TENM4: variants seen among roughly 807,000 people sequenced by gnomAD.
TENM4 encodes teneurin transmembrane protein 4, also known as teneurin-4.
In TENM4, 82 loss-of-function variants were observed where a neutral mutation model predicts 243.3. That is an observed-to-expected ratio of 0.34 (90% confidence interval 0.28 to 0.40). The LOEUF is 0.40. Among genes scored for constraint, TENM4 ranks in the 10% least tolerant of loss-of-function variants. TENM4 has a pLI of 1.00. For synonymous variants in TENM4, 1,412 were observed against 1,456.3 expected (o/e 0.97, Z 0.69); for missense variants, 3,138 against 3,673.3 (o/e 0.85, Z 3.77).
At chr11:79,416,601 ATGCTAAGAGGTT>A (rs1156483621) in intron 1 of TENM4, among the ~76,000 whole-genome samples, 2 of 152,230 alleles carry the variant, frequency 1.3e-5, no homozygotes, top group African/African-American at 4.8e-5. Flanking sequence ...GACAGATATG[ATGCTAAGAGGTT>A]TACATGCACT....
At chr11:78,945,504 T>C (rs2136471352) in intron 6 of TENM4, among the ~76,000 whole-genome samples, 1 of 152,268 alleles carries the variant, frequency 6.6e-6, no homozygotes, top group South Asian at 2.1e-4. Context: ...CATAATGATA[T>C]TGAAATTAGG....
At chr11:78,905,091 C>T (rs974656976) in intron 6 of TENM4, among the ~76,000 whole-genome samples, 24 of 152,278 alleles carry the variant, frequency 1.6e-4, no homozygotes, top group Admixed American at 1.5e-3. Flanking sequence ...GATCACAGGG[C>T]TACTGTGAGA....
intron 7 of TENM4, among the ~76,000 whole-genome samples, chr11:78,896,593 C>T (rs1282240994): frequency 1.3e-5 from 2 of 152,080 alleles, no homozygotes; most frequent in East Asian, 1.9e-4. Flanking sequence ...CCTGTGCTCC[C>T]GCTTGAGCCA....
At chr11:78,961,917 T>C (rs1211573000) in intron 6 of TENM4, among the ~76,000 whole-genome samples, 1 of 152,072 alleles carries the variant, frequency 6.6e-6, no homozygotes, top group African/African-American at 2.4e-5. Context: ...ATGTCTCTCA[T>C]GGGGGTTGGG....
intron 1 of TENM4, among the ~76,000 whole-genome samples, chr11:79,338,065 C>G (rs903417446): frequency 1.3e-5 from 2 of 152,328 alleles, no homozygotes; most frequent in Middle Eastern, 3.4e-3. Flanking sequence ...TGTCTCTTCC[C>G]CTAGAATGTG....
chr11:79,084,871 GA>G (rs1288454545), intron 4 of TENM4, among the ~76,000 whole-genome samples: 3 of 152,156 alleles, frequency 2.0e-5, no homozygotes, highest in Non-Finnish European at 4.4e-5. Context: ...CACTCATTCA[GA>G]TAAATGCAAG....
At chr11:79,250,764 A>G (rs1456171765) in intron 2 of TENM4, among the ~76,000 whole-genome samples, 2 of 152,256 alleles carry the variant, frequency 1.3e-5, no homozygotes, top group Non-Finnish European at 2.9e-5. Flanking sequence ...TGTCCACGGA[A>G]GGCAAATTTA....
chr11:79,312,465 A>G (rs1222009654), intron 1 of TENM4, among the ~76,000 whole-genome samples: 1 of 152,242 alleles, frequency 6.6e-6, no homozygotes, highest in East Asian at 1.9e-4. Flanking sequence ...TAAGGTGCAC[A>G]GCCTCCCTAT....
At chr11:79,017,049 G>A (rs755214473) in intron 6 of TENM4, among the ~76,000 whole-genome samples, 3 of 152,226 alleles carry the variant, frequency 2.0e-5, no homozygotes, top group Non-Finnish European at 4.4e-5. Context: ...CTGGCACAGA[G>A]TCAATTTCCA....
At chr11:79,046,451 C>G (rs972346856) in intron 6 of TENM4, among the ~76,000 whole-genome samples, 4 of 149,234 alleles carry the variant, frequency 2.7e-5, no homozygotes, top group South Asian at 4.2e-4. Flanking sequence ...AACTCTCCCC[C>G]CCAAAAAAAC....
chr11:78,802,859 TA>T (rs1223843465), intron 15 of TENM4, among the ~76,000 whole-genome samples: 1 of 152,226 alleles, frequency 6.6e-6, no homozygotes, highest in Non-Finnish European at 1.5e-5. Flanking sequence ...TAGTCATTTA[TA>T]GGATAGAGAT....
intron 18 of TENM4, among the ~76,000 whole-genome samples, chr11:78,767,182 G>T (rs1217575087): frequency 6.6e-6 from 1 of 152,130 alleles, no homozygotes; most frequent in African/African-American, 2.4e-5. Context: ...CTCTAATGTC[G>T]CCAAGACCTC....
intron 2 of TENM4, among the ~76,000 whole-genome samples, chr11:79,272,453 G>A (rs952666972): frequency 2.6e-5 from 4 of 152,198 alleles, no homozygotes; most frequent in South Asian, 2.1e-4. Flanking sequence ...TATAGAAAAA[G>A]CACTCATGGG....
At chr11:78,882,927 C>T (rs1855462933) in intron 9 of TENM4, among the ~76,000 whole-genome samples, 1 of 152,146 alleles carries the variant, frequency 6.6e-6, no homozygotes, top group Admixed American at 6.5e-5. Context: ...GCAGATGCAA[C>T]CTAATTTAAG....
chr11:78,722,823 G>A lies in TENM4; in HGVS notation c.3645C>T (p.Ile1215=). ...CAAGGCCGTTGCAGCTGGGGCAGGA[G>A]ATGCTTCTCCGGCGCCCATTGCCCA... ...SIMGNGRRRS[I]SCPSCNGLAD... is the part of the protein sequence containing the mutation. The change falls in exon 24 of 34, where the codon ATC becomes ATT. Residue 1215 remains isoleucine (I), a synonymous_variant. Coordinates refer to ENST00000278550, the MANE Select transcript of TENM4 (RefSeq NM_001098816.3). 1.2e-6 allele frequency: 2 copies of A among 1,614,066 alleles called. No individual in the cohort carries two copies. The highest frequency in any genetic ancestry group is 1.7e-6 in the Non-Finnish European group (2 of 1,179,900).
At chr11:79,042,636 A>G (rs1035289560) in intron 6 of TENM4, among the ~76,000 whole-genome samples, 1 of 152,212 alleles carries the variant, frequency 6.6e-6, no homozygotes, top group Non-Finnish European at 1.5e-5. Flanking sequence ...TAATTTACCC[A>G]GTCTAGGATA....
intron 15 of TENM4, among the ~76,000 whole-genome samples, chr11:78,789,411 T>C (rs1408005886): frequency 6.6e-6 from 1 of 152,154 alleles, no homozygotes; most frequent in Non-Finnish European, 1.5e-5. Context: ...TGCCTCAAGA[T>C]AAAGAATGAC....
chr11:79,037,128 T>C (rs999714722), intron 6 of TENM4, among the ~76,000 whole-genome samples: 1 of 151,882 alleles, frequency 6.6e-6, no homozygotes, highest in East Asian at 1.9e-4. Flanking sequence ...AAGGGGCGAT[T>C]GTATTACAAC....
At chr11:79,114,361 A>G (rs1591293091) in intron 4 of TENM4, among the ~76,000 whole-genome samples, 1 of 152,202 alleles carries the variant, frequency 6.6e-6, no homozygotes, top group Admixed American at 6.5e-5. Context: ...GAAAGGGAGG[A>G]GATTAATATC....
Sources: gnomAD v4.1 joint callset for allele counts (sites outside exome capture counted in the v4.1 genomes callset) on GRCh38, gnomAD v4.1.1 for gene constraint, MANE v1.5 for transcripts, NCBI Gene and HGNC (gene_info 2026-07-23, HGNC 2026-07-21) for gene names.